The following PITPNM2 variants were observed in gnomAD, a reference collection of about 807,000 sequenced individuals.
The protein encoded by PITPNM2 is membrane-associated phosphatidylinositol transfer protein 2.
PITPNM2 carries 35 observed loss-of-function variants against 132.2 expected under a neutral mutation model. The ratio of observed to expected loss-of-function variants is 0.26; its 90% confidence interval spans 0.20 to 0.35. The LOEUF is 0.35. Ranked by LOEUF, PITPNM2 falls within the 10% of genes least tolerant of loss-of-function variation. The pLI is 1.00. For missense variants in PITPNM2, 1,332 were observed against 1,912.0 expected (o/e 0.70, Z 5.66); for synonymous variants, 738 against 799.2 (o/e 0.92, Z 1.29).
intron 11 of PITPNM2, 80 bp downstream of exon 11, chr12:122,997,245 T>C: frequency 1.3e-6 from 2 of 1,585,898 alleles, no homozygotes; most frequent in Non-Finnish European, 1.7e-6. Context: ...GTCCTGAAAC[T>C]GGGGAGCCAC....
At chr12:123,151,629 G>C (rs184442055), upstream of PITPNM2, among the ~76,000 whole-genome samples, 284 of 152,180 alleles carry the variant, frequency 1.9e-3, 7 homozygotes, top group Admixed American at 0.015. Context: ...CAGCCGTCCC[G>C]GTCCCCACCT....
At chr12:123,047,652 A>G (rs1215665272) in intron 2 of PITPNM2, among the ~76,000 whole-genome samples, 1 of 152,120 alleles carries the variant, frequency 6.6e-6, no homozygotes, top group Non-Finnish European at 1.5e-5. Flanking sequence ...CTTAGGGTCC[A>G]GGTTCTATGA....
intron 1 of PITPNM2, among the ~76,000 whole-genome samples, chr12:123,121,676 G>C (rs1393221870): frequency 6.6e-6 from 1 of 151,726 alleles, no homozygotes; most frequent in East Asian, 1.9e-4. Context: ...CTCCTGAGTA[G>C]GTGGGACTAC....
intron 2 of PITPNM2, chr12:123,091,761 G>A (rs764641870): frequency 6.6e-6 from 1 of 152,188 alleles, no homozygotes; most frequent in African/African-American, 2.4e-5. Context: ...TAGGAGCCTG[G>A]CCTGAGTTTC....
At chr12:123,093,486 G>GCA (rs147295545) in intron 2 of PITPNM2, among the ~76,000 whole-genome samples, 15 of 150,202 alleles carry the variant, frequency 1.0e-4, no homozygotes, top group Non-Finnish European at 1.3e-4. Context: ...ACACACACGC[G>GCA]CACACACACA....
intron 3 of PITPNM2, among the ~76,000 whole-genome samples, chr12:123,027,492 C>T (rs1235843508): frequency 6.6e-6 from 1 of 152,214 alleles, no homozygotes; most frequent in Admixed American, 6.5e-5. Context: ...TATCATTAGG[C>T]CAGCTATGCA....
At chr12:123,126,283 G>A (rs924113965) in intron 1 of PITPNM2, among the ~76,000 whole-genome samples, 21 of 152,118 alleles carry the variant, frequency 1.4e-4, no homozygotes, top group African/African-American at 5.1e-4. Flanking sequence ...GTTCTGCAGG[G>A]ATTGATGCAT....
chr12:123,050,859 A>C (rs2040833813), intron 2 of PITPNM2, among the ~76,000 whole-genome samples: 1 of 152,172 alleles, frequency 6.6e-6, no homozygotes, highest in South Asian at 2.1e-4. Context: ...CCAGGGAGGG[A>C]AACAGGGAAG....
rs2039743033 is a variant in PITPNM2 at position 123,023,344 on chromosome 12, CAG to C, written c.79-9304_79-9303del. Among the ~76,000 whole-genome samples, 1 of 152,166 alleles carries C rather than the reference CAG, an allele frequency of 6.6e-6. No individual in the cohort carries two copies. Among genetic ancestry groups the C allele is most frequent in the Admixed American group, 6.5e-5 (1 of 15,274 alleles). On this transcript the variant is annotated intron_variant, in intron 3 of 25. Transcript: ENST00000320201. This position sits in a 1 kb window ranked among gnomAD's most constrained non-coding sequence, Gnocchi z 4.8. The stretch of plus-strand genomic sequence containing the variant: ...ATGCAGGAGCCAAGGCCCATGGATT[CAG>C]GGCTCTTCTGGGTGGAGCAGAAGGT...
In PITPNM2 at chr12:123,004,111, T is replaced by C. The variant is rs1253553703; in HGVS notation, c.1048+283A>G. Among the ~76,000 whole-genome samples the C allele has an allele frequency of 1.3e-5, 2 of 152,126 alleles. No individual in the cohort carries two copies. The highest frequency in any genetic ancestry group is 4.8e-5 in the African/African-American group (2 of 41,418). On this transcript the variant is annotated intron_variant, in intron 8 of 25. Transcript: ENST00000320201. This position sits in a 1 kb window ranked among gnomAD's most constrained non-coding sequence, Gnocchi z 4.9. ...CCCTAGTCTGATGGTGTATCCTTAT[T>C]TGGGGTTTCAAGAGCGCAGTCCCCA... is the stretch of plus-strand genomic sequence containing the variant.
At chr12:123,113,716 C>CG (rs2042884684) in intron 1 of PITPNM2, among the ~76,000 whole-genome samples, 1 of 151,768 alleles carries the variant, frequency 6.6e-6, no homozygotes, top group Admixed American at 6.6e-5. Context: ...AACAAACCCC[C>CG]CCACCCTTTC....
At position 123,108,845 on chromosome 12, in the gene PITPNM2, G is replaced by A. The variant is rs1323493880; in HGVS notation, c.-96+1540C>T. Among the ~76,000 whole-genome samples the A allele has an allele frequency of 6.6e-6, 1 of 152,134 alleles. No homozygotes were observed. Among genetic ancestry groups the A allele is most frequent in the Non-Finnish European group, 1.5e-5 (1 of 68,030 alleles). ...GCAAGGATGAGGGCACCCGGAGAAG[G>A]GAAGGGACTTACCCGAGATCAGACA... On this transcript the variant is annotated intron_variant, in intron 2 of 25. Transcript: ENST00000320201. This position sits in a 1 kb window ranked among gnomAD's most constrained non-coding sequence, Gnocchi z 4.4.
chr12:123,045,787 C>T (rs2136586940), intron 2 of PITPNM2, among the ~76,000 whole-genome samples: 1 of 152,346 alleles, frequency 6.6e-6, no homozygotes, highest in South Asian at 2.1e-4. Flanking sequence ...AAACGCCATG[C>T]TGGAGTCTCA....
At chr12:122,989,015 G>T in intron 18 of PITPNM2, 143 bp from the exon 19 acceptor site, 1 of 992,770 alleles carries the variant, frequency 1.0e-6, no homozygotes, top group East Asian at 2.7e-5. Flanking sequence ...CCCAGGCTGG[G>T]TGAGTGAGGC....
At chr12:123,085,524 AGTT>A (rs1029789480) in intron 2 of PITPNM2, among the ~76,000 whole-genome samples, 1 of 152,152 alleles carries the variant, frequency 6.6e-6, no homozygotes, top group African/African-American at 2.4e-5. Context: ...AAGGGTTGGG[AGTT>A]GTTAGTTAAT....
intron 2 of PITPNM2, chr12:123,091,260 G>C (rs2042256969): frequency 6.6e-6 from 1 of 152,272 alleles, no homozygotes; most frequent in African/African-American, 2.4e-5. Context: ...TAAGCGATCT[G>C]TGGCTGCAGG....
Position 122,987,449 on chromosome 12 carries a change from G to A in PITPNM2, c.3264-19C>T, listed in dbSNP as rs1018435512. 6.2e-7 allele frequency: 1 copy of A among 1,613,296 alleles called. No homozygotes were observed. Among genetic ancestry groups the A allele is most frequent in the Admixed American group, 1.7e-5 (1 of 59,990 alleles). ...GTCTCCCCTGGCAGGTGGTGGGGGT[G>A]CTCATCAGAACCACCCAGAGCCTCG... is the stretch of plus-strand genomic sequence containing the variant. On this transcript the variant is annotated intron_variant, in intron 22 of 25. Transcript: ENST00000320201.
chr12:123,053,552 A>G (rs1041747611), intron 2 of PITPNM2, among the ~76,000 whole-genome samples: 25 of 149,510 alleles, frequency 1.7e-4, no homozygotes, highest in South Asian at 4.2e-4. Context: ...GTGTCCCCCA[A>G]TGGTGACATC....
chr12:123,093,537 C>T (rs1041910339), intron 2 of PITPNM2, among the ~76,000 whole-genome samples: 13 of 152,240 alleles, frequency 8.5e-5, no homozygotes, highest in East Asian at 1.9e-4. Context: ...AGAGTCTGGC[C>T]GCTGCAGTGG....
Sources: allele counts gnomAD v4.1 joint callset (sites outside exome capture counted in the v4.1 genomes callset), GRCh38; gene constraint gnomAD v4.1.1; non-coding constraint Gnocchi (gnomAD v3.1); transcripts MANE v1.5; gene names NCBI Gene and HGNC (gene_info 2026-07-23, HGNC 2026-07-21).